The following CYP19A1 variants were observed in gnomAD, a reference collection of about 807,000 sequenced individuals.
CYP19A1 encodes aromatase.
Under a neutral mutation model 44.4 loss-of-function variants are expected in CYP19A1, and 32 were observed. The ratio of observed to expected loss-of-function variants is 0.72; its 90% CI spans 0.54 to 0.97. CYP19A1 has a LOEUF of 0.97. CYP19A1 is among the 50% of genes least tolerant of loss of function. The pLI is 0.00. For synonymous variants in CYP19A1, 212 were observed against 215.6 expected (o/e 0.98, Z 0.14); for missense variants, 598 against 637.8 (o/e 0.94, Z 0.67).
chr15:51,274,116 G>A (rs765122902), intron 1 of CYP19A1, among the ~76,000 whole-genome samples: 10 of 152,168 alleles, frequency 6.6e-5, no homozygotes, highest in Admixed American at 1.3e-4. Flanking sequence ...GACTGGGCAC[G>A]TGCTGTCCAC....
chr15:51,214,940 A>C (rs908589564), intron 8 of CYP19A1, 130 bp downstream of exon 8: 8 of 1,395,534 alleles, frequency 5.7e-6, no homozygotes, highest in African/African-American at 1.4e-5. Flanking sequence ...ATGTGACAGA[A>C]TGTCTTGCTT....
At position 51,225,315 on chromosome 15, in the gene CYP19A1, T is replaced by TGTGAAA. The variant is rs957267998; in HGVS notation, c.451+2458_451+2463dup. On this transcript the variant is annotated intron_variant, in intron 4 of 9. Coordinates refer to ENST00000396402, the MANE Select transcript of CYP19A1 (RefSeq NM_000103.4). Reference sequence around the variant, plus strand: ...CATGTCAGGGTAGAGGATATTGGTATGTGAAAGTTAACTACTACTAAATAC... The same window carrying TGTGAAA: ...CATGTCAGGGTAGAGGATATTGGTATGTGAAAGTGAAAGTTAACTACTACTAAATAC... 1.7e-4 allele frequency among the ~76,000 whole-genome samples: 26 copies of TGTGAAA among 152,356 alleles called. 1 individual carries two copies. The highest frequency in any genetic ancestry group is 6.0e-4 in the African/African-American group (25 of 41,578).
intron 1 of CYP19A1, among the ~76,000 whole-genome samples, chr15:51,335,857 C>T (rs2036767003): frequency 6.6e-6 from 1 of 152,226 alleles, no homozygotes; most frequent in Non-Finnish European, 1.5e-5. Context: ...AGTCTGGTCC[C>T]TGCCTTGGTT....
At chr15:51,305,916 A>G (rs2036207484) in intron 1 of CYP19A1, among the ~76,000 whole-genome samples, 1 of 152,156 alleles carries the variant, frequency 6.6e-6, no homozygotes. Flanking sequence ...GAAAACTAAT[A>G]CAGTGAGTAA....
At chr15:51,246,854 C>T (rs1166541862) in intron 1 of CYP19A1, among the ~76,000 whole-genome samples, 1 of 152,216 alleles carries the variant, frequency 6.6e-6, no homozygotes, top group Admixed American at 6.5e-5. Flanking sequence ...CAAGCTTGCA[C>T]TCCCTCTTAT....
intron 2 of CYP19A1, among the ~76,000 whole-genome samples, chr15:51,241,246 C>T (rs2033745366): frequency 1.3e-5 from 2 of 152,300 alleles, no homozygotes; most frequent in South Asian, 4.1e-4. Flanking sequence ...CAAGGAAATT[C>T]CACCAGTGCT....
At chr15:51,333,171 C>T (rs2141032106) in intron 1 of CYP19A1, among the ~76,000 whole-genome samples, 1 of 152,212 alleles carries the variant, frequency 6.6e-6, no homozygotes, top group South Asian at 2.1e-4. Context: ...TTCATGTGAG[C>T]CTCTTCTAAG....
At chr15:51,330,765 G>T (rs1366827316) in intron 1 of CYP19A1, among the ~76,000 whole-genome samples, 1 of 152,224 alleles carries the variant, frequency 6.6e-6, no homozygotes, top group Non-Finnish European at 1.5e-5. Context: ...AGAGAAAGTA[G>T]TGTCATGGAA....
At chr15:51,245,989 C>A (rs1045995077) in intron 1 of CYP19A1, among the ~76,000 whole-genome samples, 2 of 152,202 alleles carry the variant, frequency 1.3e-5, no homozygotes, top group Non-Finnish European at 2.9e-5. Context: ...CATTCATGGA[C>A]TTTTCATTCA....
chr15:51,253,217 G>A (rs139906320), intron 1 of CYP19A1, among the ~76,000 whole-genome samples: 1 of 152,200 alleles, frequency 6.6e-6, no homozygotes, highest in Non-Finnish European at 1.5e-5. Context: ...GATAAAGCCT[G>A]TTAGGGCCTT....
intron 1 of CYP19A1, among the ~76,000 whole-genome samples, chr15:51,335,793 C>T (rs1240228569): frequency 6.6e-6 from 1 of 152,196 alleles, no homozygotes; most frequent in Non-Finnish European, 1.5e-5. Flanking sequence ...TCATTTGTTT[C>T]CCATTGCTTT....
chr15:51,232,899 T>C (rs1411152590), intron 3 of CYP19A1, among the ~76,000 whole-genome samples: 1 of 152,244 alleles, frequency 6.6e-6, no homozygotes, highest in Non-Finnish European at 1.5e-5. Flanking sequence ...CTTCAGTGGC[T>C]TCCTTTCTTG....
At chr15:51,249,631 G>A (rs1222569871) in intron 1 of CYP19A1, among the ~76,000 whole-genome samples, 1 of 152,156 alleles carries the variant, frequency 6.6e-6, no homozygotes, top group Non-Finnish European at 1.5e-5. Context: ...GCAAACTGAA[G>A]GTGCTGCTAG....
chr15:51,254,631 A>G (rs978594404), intron 1 of CYP19A1, among the ~76,000 whole-genome samples: 1 of 152,126 alleles, frequency 6.6e-6, no homozygotes, highest in Non-Finnish European at 1.5e-5. Flanking sequence ...TTCTGGGATA[A>G]TTCCTTGATT....
Position 51,217,338 on chromosome 15 carries a change from T to C in CYP19A1, c.743+1203A>G, listed in dbSNP as rs1288643209. Among the ~76,000 whole-genome samples, 8 of 152,196 alleles carry C rather than the reference T, an allele frequency of 5.3e-5. No individual in the cohort carries two copies. In the East Asian group the frequency reaches 1.3e-3, roughly 26 times the overall value. On this transcript the variant is annotated intron_variant, in intron 6 of 9. Coordinates refer to ENST00000396402, the MANE Select transcript of CYP19A1 (RefSeq NM_000103.4). Reference sequence around the variant, plus strand: ...ATGGCCAAGACCAAGGCTAAACTAATGACTGAGAACTATGTAATGAACTCT... The same window carrying C: ...ATGGCCAAGACCAAGGCTAAACTAACGACTGAGAACTATGTAATGAACTCT...
intron 1 of CYP19A1, among the ~76,000 whole-genome samples, chr15:51,284,387 C>T (rs894056506): frequency 3.9e-5 from 6 of 152,286 alleles, no homozygotes; most frequent in African/African-American, 9.6e-5. Flanking sequence ...GTATCATTGG[C>T]GTAGGAACCG....
chr15:51,294,566 C>T (rs78949201), intron 1 of CYP19A1, among the ~76,000 whole-genome samples: 9 of 146,846 alleles, frequency 6.1e-5, no homozygotes, highest in East Asian at 2.0e-4. Context: ...GCAGCCGCCC[C>T]GTCCGGGAGG....
At chr15:51,294,227 C>G (rs1438595172) in intron 1 of CYP19A1, among the ~76,000 whole-genome samples, 1 of 126,948 alleles carries the variant, frequency 7.9e-6, no homozygotes, top group Non-Finnish European at 1.5e-5. Flanking sequence ...TAGGAAGTGA[C>G]GAGCGCCTCT....
At chr15:51,240,509 A>T (rs1476797644) in intron 2 of CYP19A1, among the ~76,000 whole-genome samples, 5 of 151,996 alleles carry the variant, frequency 3.3e-5, no homozygotes, top group Non-Finnish European at 7.4e-5. Context: ...CTTCCCCTAA[A>T]CCTCTAAAAC....
Sources: allele counts gnomAD v4.1 joint callset (sites outside exome capture counted in the v4.1 genomes callset), GRCh38; gene constraint gnomAD v4.1.1; transcripts MANE v1.5; gene names NCBI Gene and HGNC (gene_info 2026-07-23, HGNC 2026-07-21).